DOCK7: variants seen among roughly 807,000 people sequenced by gnomAD.
DOCK7 encodes the protein dedicator of cytokinesis 7, also known as dedicator of cytokinesis protein 7.
DOCK7 carries 138 observed loss-of-function variants against 271.0 expected under a neutral mutation model. That is an observed-to-expected ratio of 0.51 (90% CI 0.44 to 0.59). DOCK7 has a LOEUF of 0.59. DOCK7 is among the 20% of genes least tolerant of loss of function. The probability of loss-of-function intolerance (pLI) is 0.00; values close to 1 mark genes in which losing one functional copy is unlikely to be tolerated. For missense variants in DOCK7, 2,066 were observed against 2,592.4 expected (o/e 0.80, Z 4.41); for synonymous variants, 823 against 876.1 (o/e 0.94, Z 1.07).
intron 1 of DOCK7, among the ~76,000 whole-genome samples, chr1:62,677,751 A>C: frequency 6.6e-6 from 1 of 152,196 alleles, no homozygotes; most frequent in Non-Finnish European, 1.5e-5. Context: ...TTTCTAGGAA[A>C]CCCAAACTAA....
intron 12 of DOCK7, among the ~76,000 whole-genome samples, chr1:62,620,310 G>C (rs1653003698): frequency 6.6e-6 from 1 of 150,618 alleles, no homozygotes; most frequent in Non-Finnish European, 1.5e-5. Context: ...GCAAGACTCT[G>C]TCTCAAAAAT....
At chr1:62,608,769 T>C (rs1377689782) in intron 14 of DOCK7, 2 of 152,168 alleles carry the variant, frequency 1.3e-5, no homozygotes. Context: ...TATAATCTAT[T>C]TCCATACACT....
chr1:62,662,866 C>A (rs537934498), intron 2 of DOCK7, among the ~76,000 whole-genome samples, 159 bp downstream of exon 2: 1 of 152,160 alleles, frequency 6.6e-6, no homozygotes, highest in South Asian at 2.1e-4. Context: ...TATAACACCC[C>A]CAACATCCTC....
intron 7 of DOCK7, among the ~76,000 whole-genome samples, chr1:62,643,324 G>A (rs1656263827): frequency 6.6e-6 from 1 of 152,154 alleles, no homozygotes; most frequent in South Asian, 2.1e-4. Context: ...TACATCTTAA[G>A]GTGGTTTACA....
At chr1:62,627,468 A>G (rs532441706) in intron 11 of DOCK7, 1 of 152,314 alleles carries the variant, frequency 6.6e-6, no homozygotes, top group South Asian at 2.1e-4. Flanking sequence ...GGTTTTGTAT[A>G]CAGAAAATCC....
intron 38 of DOCK7, 189 bp from the exon 39 acceptor site, chr1:62,495,870 T>G (rs1646605123): frequency 8.7e-6 from 4 of 462,342 alleles, no homozygotes; most frequent in Non-Finnish European, 1.5e-5. Context: ...TTATATAAAT[T>G]CCTCAGCAGA....
chr1:62,654,974 C>T (rs986110255), intron 2 of DOCK7, among the ~76,000 whole-genome samples: 1 of 152,142 alleles, frequency 6.6e-6, no homozygotes, highest in African/African-American at 2.4e-5. Context: ...AAAGCACAGC[C>T]CTGCCAAAAC....
In DOCK7 at chr1:62,478,098, T is replaced by C. The variant is rs1646017310; in HGVS notation, c.5509-273A>G. On this transcript the variant is annotated intron_variant, in intron 43 of 49. Transcript: ENST00000635253. Reference sequence around the variant, plus strand: ...GTTTGTACGAAGTGCCTCTATCACATTGGTCTATGTTTTTTAAATCTATAT... The same window carrying C: ...GTTTGTACGAAGTGCCTCTATCACACTGGTCTATGTTTTTTAAATCTATAT... 3.7e-5 allele frequency: 11 copies of C among 298,406 alleles called. No individual in the cohort carries two copies. The East Asian group carries it at 7.1e-4, about 19-fold the overall frequency. The allele number at this position is 298,406 out of a possible 1,614,324, so 18.5% of individuals were successfully genotyped here.
At chr1:62,552,975 A>C (rs940012515) in intron 21 of DOCK7, 74 bp from the exon 22 acceptor site, 10 of 1,186,228 alleles carry the variant, frequency 8.4e-6, no homozygotes, top group Non-Finnish European at 1.1e-5. Context: ...AATCTCTGCC[A>C]CTTTAGAAAA....
chr1:62,587,000 A>G (rs564965895), intron 14 of DOCK7, among the ~76,000 whole-genome samples: 5 of 152,276 alleles, frequency 3.3e-5, no homozygotes, highest in African/African-American at 9.6e-5. Flanking sequence ...TTAAAAAAAT[A>G]GTTCTAATAT....
chr1:62,654,238 ATT>A, intron 2 of DOCK7, 79 bp from the exon 3 acceptor site: 1 of 1,332,326 alleles, frequency 7.5e-7, no homozygotes, highest in Non-Finnish European at 1.0e-6. Flanking sequence ...GGCAAATAAC[ATT>A]TTTTTAAATA....
At chr1:62,564,861 G>A (rs1646458376) in intron 18 of DOCK7, among the ~76,000 whole-genome samples, 1 of 152,130 alleles carries the variant, frequency 6.6e-6, no homozygotes, top group Non-Finnish European at 1.5e-5. Flanking sequence ...AAACGATAAA[G>A]GGGATATCAC....
intron 14 of DOCK7, chr1:62,608,405 T>C (rs1651313667): frequency 2.0e-5 from 3 of 152,102 alleles, no homozygotes. Flanking sequence ...TTGTCTAGAA[T>C]GTCTCCCCAC....
intron 7 of DOCK7, among the ~76,000 whole-genome samples, chr1:62,646,694 T>C (rs1656710324): frequency 6.6e-6 from 1 of 152,182 alleles, no homozygotes; most frequent in Non-Finnish European, 1.5e-5. Flanking sequence ...TCTACAACTC[T>C]GAGAAATAAA....
chr1:62,663,164 T>TG, intron 1 of DOCK7, 34 bp from the exon 2 acceptor site: 5 of 1,429,306 alleles, frequency 3.5e-6, no homozygotes, highest in Non-Finnish European at 4.8e-6. Context: ...TACGCATTAT[T>TG]GAAAAAAAAA....
intron 14 of DOCK7, among the ~76,000 whole-genome samples, chr1:62,617,435 G>A (rs1652581254): frequency 6.6e-6 from 1 of 152,010 alleles, no homozygotes; most frequent in African/African-American, 2.4e-5. Context: ...AGAAGTGACT[G>A]AGACAGGAGT....
At chr1:62,496,783 T>C (rs1351983084) in intron 37 of DOCK7, among the ~76,000 whole-genome samples, 1 of 152,174 alleles carries the variant, frequency 6.6e-6, no homozygotes, top group African/African-American at 2.4e-5. Context: ...GGGCATATGT[T>C]ATTAATATAA....
intron 24 of DOCK7, 80 bp downstream of exon 24, chr1:62,543,576 G>T: frequency 1.9e-6 from 2 of 1,049,322 alleles, no homozygotes; most frequent in Non-Finnish European, 2.9e-6. Flanking sequence ...ATCTCATACT[G>T]GTTATGTAAA....
At chr1:62,681,294 CA>C (rs1661110797) in intron 1 of DOCK7, among the ~76,000 whole-genome samples, 1 of 149,714 alleles carries the variant, frequency 6.7e-6, no homozygotes, top group East Asian at 2.0e-4. Context: ...GACAGAAAAC[CA>C]AACACCACAT....
Sources: allele counts gnomAD v4.1 joint callset (sites outside exome capture counted in the v4.1 genomes callset), GRCh38; gene constraint gnomAD v4.1.1; transcripts MANE v1.5; gene names NCBI Gene and HGNC (gene_info 2026-07-23, HGNC 2026-07-21).